The following TRIM44 variants were observed in gnomAD, a reference collection of about 807,000 sequenced individuals.
The protein encoded by TRIM44 is tripartite motif-containing protein 44.
TRIM44 carries 13 observed loss-of-function variants against 37.4 expected under a neutral mutation model. That is an observed-to-expected ratio of 0.35 (90% confidence interval 0.23 to 0.55). The LOEUF (loss-of-function observed/expected upper bound fraction) is 0.55. TRIM44 is among the 20% of genes least tolerant of loss of function. The probability of loss-of-function intolerance (pLI) is 0.89; values close to 1 mark genes in which losing one functional copy is unlikely to be tolerated. For synonymous variants in TRIM44, 175 were observed against 157.2 expected (o/e 1.11, Z -0.85); for missense variants, 426 against 437.2 (o/e 0.97, Z 0.23).
At chr11:35,670,964 C>T (rs772031131) in intron 1 of TRIM44, among the ~76,000 whole-genome samples, 5 of 152,136 alleles carry the variant, frequency 3.3e-5, no homozygotes, top group Admixed American at 6.5e-5. Flanking sequence ...TTAAATGTTT[C>T]GAGTGCAATG....
intron 4 of TRIM44, among the ~76,000 whole-genome samples, chr11:35,785,496 A>T (rs1189266973): frequency 6.6e-6 from 1 of 152,236 alleles, no homozygotes; most frequent in Non-Finnish European, 1.5e-5. Context: ...CCATCAGAGC[A>T]GCTTTGAGTC....
At chr11:35,665,701 TCTC>T (rs1851324726) in intron 1 of TRIM44, among the ~76,000 whole-genome samples, 1 of 150,518 alleles carries the variant, frequency 6.6e-6, no homozygotes, top group African/African-American at 2.4e-5. Context: ...TTCAAACGAT[TCTC>T]CTGCCTCAGC....
intron 3 of TRIM44, among the ~76,000 whole-genome samples, chr11:35,732,586 C>T (rs1381917352): frequency 6.6e-6 from 1 of 152,156 alleles, no homozygotes; most frequent in Non-Finnish European, 1.5e-5. Flanking sequence ...GAGGGAGGCA[C>T]TGTTTGATGT....
chr11:35,662,966 C>G lies in TRIM44; in HGVS notation c.-146C>G. 7.5e-7 allele frequency: 1 copy of G among 1,340,580 alleles called. No homozygotes were observed. The highest frequency in any genetic ancestry group is 1.9e-5 in the South Asian group (1 of 52,094). The allele number at this position is 1,340,580 out of a possible 1,614,324, so 83.0% of individuals were successfully genotyped here. A position where few individuals can be genotyped will look rare whatever the true frequency, so the allele number is the denominator to read the frequency against. ...GCCCGGGCAGGGGCTGCCGCGGCCC[C>G]AGGTCCCGCTTCGAGACGCGGCGCG... On this transcript the variant is annotated 5_prime_UTR_variant, in exon 1 of 5. Transcript: ENST00000299413.
chr11:35,670,871 T>C (rs1366775484), intron 1 of TRIM44, among the ~76,000 whole-genome samples: 2 of 152,232 alleles, frequency 1.3e-5, no homozygotes, highest in Admixed American at 1.3e-4. Flanking sequence ...TTTGCTCTTT[T>C]AGGTAGCTAG....
At chr11:35,696,620 G>A (rs1223643975) in intron 2 of TRIM44, among the ~76,000 whole-genome samples, 2 of 151,250 alleles carry the variant, frequency 1.3e-5, no homozygotes, top group Admixed American at 6.6e-5. Flanking sequence ...AGGCCGAGGC[G>A]GGTGGATCAC....
At chr11:35,793,270 A>G (rs1190935099) in intron 4 of TRIM44, among the ~76,000 whole-genome samples, 1 of 152,150 alleles carries the variant, frequency 6.6e-6, no homozygotes, top group Admixed American at 6.5e-5. Context: ...CACACGTGTA[A>G]TCCCAGCACT....
At chr11:35,749,529 A>T (rs1369854925) in intron 4 of TRIM44, among the ~76,000 whole-genome samples, 5 of 152,228 alleles carry the variant, frequency 3.3e-5, no homozygotes, top group Non-Finnish European at 7.3e-5. Context: ...TACTAAAAAT[A>T]CAAAAATTAG....
At chr11:35,757,806 G>T (rs570927329) in intron 4 of TRIM44, among the ~76,000 whole-genome samples, 2 of 152,310 alleles carry the variant, frequency 1.3e-5, no homozygotes, top group Non-Finnish European at 2.9e-5. Context: ...TAGTTGAGCG[G>T]TTTTTAGTGA....
chr11:35,799,148 C>T (rs1853332514), intron 4 of TRIM44, among the ~76,000 whole-genome samples: 1 of 152,244 alleles, frequency 6.6e-6, no homozygotes, highest in South Asian at 2.1e-4. Context: ...TCAGTCACCT[C>T]CCTATTGCAG....
intron 4 of TRIM44, among the ~76,000 whole-genome samples, chr11:35,773,890 G>C (rs1001261559): frequency 6.6e-6 from 1 of 152,146 alleles, no homozygotes; most frequent in African/African-American, 2.4e-5. Context: ...ATTTGGGTTG[G>C]TTCCAAGTCT....
rs1409508153 is a variant in TRIM44 at position 35,681,942 on chromosome 11, A to G, written c.670-3317A>G. Among the ~76,000 whole-genome samples, 5 of 140,608 alleles carry G rather than the reference A, an allele frequency of 3.6e-5. No individual in the cohort carries two copies. In the East Asian group the frequency reaches 8.3e-4, roughly 23 times the overall value. 92.2% of individuals were successfully genotyped at this position (140,608 alleles called of 152,430 possible). ...CCAAACAACCCCATGCCCCTGACCT[A>G]TGTCCCATACTTTTTTTTTTTTTTT... On this transcript the variant is annotated intron_variant, in intron 1 of 4. Transcript: ENST00000299413.
chr11:35,803,939 G>A (rs1454202508), intron 4 of TRIM44, among the ~76,000 whole-genome samples: 4 of 151,426 alleles, frequency 2.6e-5, no homozygotes, highest in African/African-American at 9.7e-5. Context: ...GTGAGAAGTG[G>A]GTTATTATAA....
chr11:35,770,797 G>A (rs1852858310), intron 4 of TRIM44, among the ~76,000 whole-genome samples: 1 of 151,982 alleles, frequency 6.6e-6, no homozygotes, highest in African/African-American at 2.4e-5. Flanking sequence ...GAATTATGGG[G>A]GCAGTTTCCC....
At chr11:35,728,658 T>C (rs942845877) in intron 3 of TRIM44, among the ~76,000 whole-genome samples, 2 of 152,222 alleles carry the variant, frequency 1.3e-5, no homozygotes, top group East Asian at 3.8e-4. Flanking sequence ...AGAGGAATTA[T>C]GTTCTTTTTG....
chr11:35,761,204 C>T (rs908862688), intron 4 of TRIM44, among the ~76,000 whole-genome samples: 8 of 152,110 alleles, frequency 5.3e-5, no homozygotes, highest in African/African-American at 1.9e-4. Flanking sequence ...TTGATGGTTG[C>T]TTAAGTTGAT....
intron 4 of TRIM44, among the ~76,000 whole-genome samples, chr11:35,756,456 G>A (rs1449084547): frequency 6.6e-6 from 1 of 152,162 alleles, no homozygotes; most frequent in Non-Finnish European, 1.5e-5. Context: ...TGCAAACAGG[G>A]ACAATTTGAC....
chr11:35,792,830 G>T (rs1853232541), intron 4 of TRIM44, among the ~76,000 whole-genome samples: 1 of 152,216 alleles, frequency 6.6e-6, no homozygotes, highest in South Asian at 2.1e-4. Context: ...CAGACCACCT[G>T]CATCACTGGT....
intron 4 of TRIM44, among the ~76,000 whole-genome samples, chr11:35,786,032 A>T (rs1853127279): frequency 6.6e-6 from 1 of 152,200 alleles, no homozygotes; most frequent in Non-Finnish European, 1.5e-5. Context: ...AAGATTTTTT[A>T]AAAATGTTTT....
Sources: allele counts gnomAD v4.1 joint callset (sites outside exome capture counted in the v4.1 genomes callset), GRCh38; gene constraint gnomAD v4.1.1; transcripts MANE v1.5; gene names NCBI Gene and HGNC (gene_info 2026-07-23, HGNC 2026-07-21).